Variants in PCDHA2 observed in about 807,000 individuals in gnomAD.
PCDHA2 encodes protocadherin alpha 2.
PCDHA2 carries 58 observed loss-of-function variants against 66.0 expected under a neutral mutation model. The ratio of observed to expected loss-of-function variants is 0.88; its 90% confidence interval spans 0.71 to 1.09. The LOEUF (loss-of-function observed/expected upper bound fraction) is 1.09. PCDHA2 is among the 50% of genes least tolerant of loss of function. The pLI, the probability that PCDHA2 is intolerant of heterozygous loss-of-function variation, is 0.00. For synonymous variants in PCDHA2, 634 were observed against 554.0 expected (o/e 1.14, Z -2.03); for missense variants, 1,267 against 1,242.3 (o/e 1.02, Z -0.30).
At chr5:140,801,703 C>A in intron 1 of PCDHA2, 1 of 1,614,140 alleles carries the variant, frequency 6.2e-7, no homozygotes, top group Non-Finnish European at 8.5e-7. Context: ...TCGTTGTTGA[C>A]TTACAGTCTT....
chr5:140,928,226 T>G, intron 1 of PCDHA2: 1 of 1,614,178 alleles, frequency 6.2e-7, no homozygotes, highest in African/African-American at 1.3e-5. Context: ...ACACCAAACT[T>G]TCCTCAACCC....
intron 1 of PCDHA2, among the ~76,000 whole-genome samples, chr5:140,873,504 T>TTTTTTTTTTTTTTTTTTTTTTTGAG: frequency 6.6e-6 from 1 of 152,256 alleles, no homozygotes; most frequent in South Asian, 2.1e-4. Context: ...TTGTGTCTTT[T>TTTTTTTTTTTTTTTTTTTTTTTGAG]ATACTTAATG....
intron 1 of PCDHA2, among the ~76,000 whole-genome samples, chr5:140,891,754 T>C (rs1221942340): frequency 6.6e-6 from 1 of 152,174 alleles, no homozygotes; most frequent in Non-Finnish European, 1.5e-5. Flanking sequence ...ACAACAGTGT[T>C]GGGAGGTGGG....
intron 1 of PCDHA2, among the ~76,000 whole-genome samples, chr5:140,933,012 A>G (rs1554209160): frequency 6.6e-6 from 1 of 152,008 alleles, no homozygotes; most frequent in Middle Eastern, 3.2e-3. Flanking sequence ...CGGAAATATT[A>G]ACACTTGGCA....
intron 1 of PCDHA2, among the ~76,000 whole-genome samples, chr5:140,963,771 G>A (rs2095789886): frequency 6.6e-6 from 1 of 152,164 alleles, no homozygotes; most frequent in South Asian, 2.1e-4. Context: ...ATTTCATGAC[G>A]ACAGCAACAA....
chr5:140,812,060 T>A (rs1366496459), intron 1 of PCDHA2: 3 of 152,010 alleles, frequency 2.0e-5, no homozygotes, highest in Non-Finnish European at 2.9e-5. Context: ...CAATTTTTTT[T>A]TTTTGGAAGA....
At chr5:140,856,949 ATAAAAG>A in intron 1 of PCDHA2, 1 of 1,592,772 alleles carries the variant, frequency 6.3e-7, no homozygotes, top group Non-Finnish European at 8.6e-7. Context: ...GACGGGAGAA[ATAAAAG>A]TAAATGATGC....
intron 1 of PCDHA2, chr5:140,835,670 C>A: frequency 6.2e-7 from 1 of 1,613,852 alleles, no homozygotes; most frequent in Non-Finnish European, 8.5e-7. Flanking sequence ...CCGCGCGGGA[C>A]GGGGGCTCGC....
At chr5:140,802,205 T>G (rs1167660688) in intron 1 of PCDHA2, 1 of 1,614,222 alleles carries the variant, frequency 6.2e-7, no homozygotes, top group Admixed American at 1.7e-5. Flanking sequence ...ACTGCACAGT[T>G]CTACTCGAAA....
chr5:140,892,172 G>A (rs2063414943), intron 1 of PCDHA2, among the ~76,000 whole-genome samples: 1 of 152,100 alleles, frequency 6.6e-6, no homozygotes, highest in African/African-American at 2.4e-5. Flanking sequence ...CAGTAACTGG[G>A]ATCCTCATGG....
chr5:140,838,785 G>T (rs1377417578), intron 1 of PCDHA2, among the ~76,000 whole-genome samples: 2 of 151,968 alleles, frequency 1.3e-5, no homozygotes, highest in Non-Finnish European at 2.9e-5. Context: ...AGCTATGCAT[G>T]GTGATGCATG....
chr5:140,825,628 G>C (rs1393411798), intron 1 of PCDHA2: 1 of 151,664 alleles, frequency 6.6e-6, no homozygotes, highest in Non-Finnish European at 1.5e-5. Flanking sequence ...CACCATGTTG[G>C]TCATGGTGGT....
At chr5:140,834,402 T>G in intron 1 of PCDHA2, 1 of 1,606,068 alleles carries the variant, frequency 6.2e-7, no homozygotes, top group East Asian at 2.2e-5. Context: ...CCCGAATGGA[T>G]ACGACCCAGG....
chr5:140,797,538 T>A (rs1369305730), intron 1 of PCDHA2, 186 bp downstream of exon 1: 23 of 752,924 alleles, frequency 3.1e-5, no homozygotes, highest in Non-Finnish European at 4.5e-5. Flanking sequence ...ACAATCTACA[T>A]AACTGTTTTC....
chr5:140,967,943 G>T, intron 1 of PCDHA2: 1 of 1,614,190 alleles, frequency 6.2e-7, no homozygotes. Flanking sequence ...CAATGACCAA[G>T]ACTCAGGCCC....
intron 1 of PCDHA2, chr5:140,843,398 C>T (rs2150359248): frequency 2.5e-6 from 4 of 1,595,994 alleles, no homozygotes; most frequent in African/African-American, 2.7e-5. Flanking sequence ...GGAAGCGGCG[C>T]TGGTGGATGT....
At chr5:140,883,626 C>A (rs782798960) in intron 1 of PCDHA2, 2 of 1,613,968 alleles carry the variant, frequency 1.2e-6, no homozygotes, top group Non-Finnish European at 1.7e-6. Flanking sequence ...GACAACGCGC[C>A]GGCGTTCGCG....
At chr5:140,966,208 T>G (rs993246205) in intron 1 of PCDHA2, 2 of 231,366 alleles carry the variant, frequency 8.6e-6, no homozygotes, top group Admixed American at 1.1e-4. Flanking sequence ...TTGACTGCTT[T>G]TCCCAGACTA....
chr5:140,868,990 G>A (rs1554162367), intron 1 of PCDHA2: 39 of 1,511,606 alleles, frequency 2.6e-5, no homozygotes, highest in Non-Finnish European at 2.4e-5. Flanking sequence ...GGATGCCACC[G>A]TTTAAGGATC....
Sources: gnomAD v4.1 joint callset for allele counts (sites outside exome capture counted in the v4.1 genomes callset) on GRCh38, gnomAD v4.1.1 for gene constraint, MANE v1.5 for transcripts, NCBI Gene and HGNC (gene_info 2026-07-23, HGNC 2026-07-21) for gene names.